The following HSF2BP variants were observed in gnomAD, a reference collection of about 807,000 sequenced individuals.
The protein encoded by HSF2BP is heat shock transcription factor 2 binding protein, also known as heat shock factor 2-binding protein.
A neutral mutation model predicts 35.0 loss-of-function variants in HSF2BP; 35 were observed. The ratio of observed to expected loss-of-function variants is 1.00; its 90% CI spans 0.76 to 1.32. The LOEUF (loss-of-function observed/expected upper bound fraction) is 1.32. HSF2BP is among the 40% of genes most tolerant of loss of function. HSF2BP has a pLI of 0.00. For synonymous variants in HSF2BP, 114 were observed against 117.4 expected, an observed-to-expected ratio of 0.97 and a Z score of 0.18; for missense variants, 326 against 321.7, an observed-to-expected ratio of 1.01 and a Z score of -0.10.
chr21:43,627,682 T>C (rs1299654386), intron 6 of HSF2BP, among the ~76,000 whole-genome samples: 1 of 152,244 alleles, frequency 6.6e-6, no homozygotes, highest in African/African-American at 2.4e-5. Flanking sequence ...CACCAGTCTC[T>C]GTAACAGTCA....
At chr21:43,571,840 G>A (rs148658657) in intron 8 of HSF2BP, among the ~76,000 whole-genome samples, 1 of 138,030 alleles carries the variant, frequency 7.2e-6, no homozygotes, top group African/African-American at 2.8e-5. Context: ...CATGGACCCT[G>A]ACCAGAGCCC....
intron 7 of HSF2BP, among the ~76,000 whole-genome samples, chr21:43,610,840 A>AGGTT (rs2082195420): frequency 6.6e-6 from 1 of 152,212 alleles, no homozygotes; most frequent in African/African-American, 2.4e-5. Flanking sequence ...ACTCTCAGAC[A>AGGTT]GGTTAGCAAA....
At chr21:43,648,473 C>T (rs982020069) in intron 3 of HSF2BP, among the ~76,000 whole-genome samples, 2 of 152,160 alleles carry the variant, frequency 1.3e-5, no homozygotes, top group Non-Finnish European at 2.9e-5. Context: ...GAGGCAATGG[C>T]GCTCCACTCG....
intron 8 of HSF2BP, among the ~76,000 whole-genome samples, chr21:43,585,059 C>A (rs1010667091): frequency 2.0e-5 from 3 of 151,728 alleles, no homozygotes; most frequent in African/African-American, 4.9e-5. Context: ...GTAATCCCAG[C>A]ACTTTCGGAA....
chr21:43,581,302 C>T (rs2081727282), intron 8 of HSF2BP, among the ~76,000 whole-genome samples: 1 of 151,496 alleles, frequency 6.6e-6, no homozygotes, highest in African/African-American at 2.4e-5. Context: ...AGAAGAATGG[C>T]GTGAACCTGG....
Position 43,589,401 on chromosome 21 carries a change from A to G in HSF2BP, c.796+2824T>C, listed in dbSNP as rs569457315. 1.7e-4 allele frequency among the ~76,000 whole-genome samples: 26 copies of G among 152,350 alleles called. No individual in the cohort carries two copies. The East Asian group carries it at 4.8e-3, about 28-fold the overall frequency. The stretch of plus-strand genomic sequence containing the variant: ...CATATACTTGTGTTCATGGATTGTA[A>G]GTCTCAATATTGCTAAAGTGTCAAT... On this transcript the variant is annotated intron_variant, in intron 8 of 8. Coordinates refer to ENST00000291560, the MANE Select transcript of HSF2BP (RefSeq NM_007031.2).
At chr21:43,626,527 T>C (rs762747527) in intron 6 of HSF2BP, among the ~76,000 whole-genome samples, 30 of 152,344 alleles carry the variant, frequency 2.0e-4, no homozygotes, top group African/African-American at 1.4e-4. Flanking sequence ...CTTCCTCAGA[T>C]AACCCTCCTT....
At chr21:43,625,142 C>T (rs568371656) in intron 6 of HSF2BP, among the ~76,000 whole-genome samples, 2 of 152,092 alleles carry the variant, frequency 1.3e-5, no homozygotes, top group African/African-American at 4.8e-5. Context: ...ATACAGAAAA[C>T]TGGTAACAGC....
In HSF2BP at chr21:43,648,082, A is replaced by C. The variant is rs188490382; in HGVS notation, c.188-3690T>G. 1.3e-4 allele frequency among the ~76,000 whole-genome samples: 20 copies of C among 152,184 alleles called. No homozygotes were observed. The East Asian group carries it at 3.7e-3, about 28-fold the overall frequency. ...CAGAGCGGTCACGGGTGATATTAAA[A>C]CACCACACACCTCTTCCGCCTCCAT... On this transcript the variant is annotated intron_variant, in intron 3 of 8. Transcript: ENST00000291560.
chr21:43,581,196 C>A (rs962763848), intron 8 of HSF2BP, among the ~76,000 whole-genome samples: 6 of 152,154 alleles, frequency 3.9e-5, no homozygotes, highest in African/African-American at 9.7e-5. Context: ...ACCATCCTGG[C>A]TAACACGGTG....
At chr21:43,594,152 A>G (rs1901486274) in intron 7 of HSF2BP, among the ~76,000 whole-genome samples, 1 of 152,208 alleles carries the variant, frequency 6.6e-6, no homozygotes, top group Non-Finnish European at 1.5e-5. Flanking sequence ...CCCAGCAAAA[A>G]TATTTTCAAC....
chr21:43,637,072 T>G (rs983001923), intron 4 of HSF2BP, among the ~76,000 whole-genome samples: 1 of 152,002 alleles, frequency 6.6e-6, no homozygotes, highest in Non-Finnish European at 1.5e-5. Flanking sequence ...GCAGATCACT[T>G]GGGGCCAGGA....
chr21:43,635,077 TC>T (rs1031942945), intron 4 of HSF2BP, among the ~76,000 whole-genome samples: 31 of 146,720 alleles, frequency 2.1e-4, no homozygotes, highest in African/African-American at 8.0e-4. Flanking sequence ...TATAATAATA[TC>T]AAAAAAAAAA....
chr21:43,656,617 T>A lies in HSF2BP; in HGVS notation c.157A>T (p.Ser53Cys), dbSNP rs760742267. Residue 53 changes from serine (S) to cysteine (C), a missense_variant, in exon 3 of 9, where the codon AGC becomes TGC. Physicochemically the swap from Ser to Cys is moderately radical, Grantham distance 112 (BLOSUM62 -1). Transcript: ENST00000291560. ...TCTACAATCTTTAATTTCTGGAAGCTCTCCAGCACCTCCCCATTTAGTATT... is the reference window on the plus strand; with the variant it reads ...TCTACAATCTTTAATTTCTGGAAGCACTCCAGCACCTCCCCATTTAGTATT... ...PRILNGEVLE[S>C]FQKLKIVEKN... The A allele has an allele frequency of 6.2e-7, 1 of 1,609,884 alleles. No homozygotes were observed. The highest frequency in any genetic ancestry group is 1.7e-5 in the Admixed American group (1 of 58,930).
chr21:43,648,090 C>T (rs996267485), intron 3 of HSF2BP, among the ~76,000 whole-genome samples: 12 of 152,134 alleles, frequency 7.9e-5, no homozygotes, highest in African/African-American at 2.9e-4. Flanking sequence ...AAACACCACA[C>T]ACCTCTTCCG....
rs534550379 is a variant in HSF2BP, at chr21:43,630,091, A to G, written c.574+231T>C. Among the ~76,000 whole-genome samples the G allele has an allele frequency of 2.9e-4, 44 of 152,382 alleles. 2 individuals carry two copies. The highest frequency in any genetic ancestry group is 1.0e-3 in the African/African-American group (42 of 41,586). On this transcript the variant is annotated intron_variant, in intron 6 of 8. Transcript: ENST00000291560. ...AAAAATTGTAACTTGCTGAAGGCTC[A>G]GATGATCATTAGCATTTTTAGCAAT...
chr21:43,612,232 T>C (rs1302109441), intron 7 of HSF2BP, among the ~76,000 whole-genome samples: 6 of 152,124 alleles, frequency 3.9e-5, no homozygotes, highest in Non-Finnish European at 8.8e-5. Context: ...AATCCAAAAT[T>C]ACTTGGCATA....
At chr21:43,587,665 CAAAA>C (rs11292342) in intron 8 of HSF2BP, among the ~76,000 whole-genome samples, 2 of 79,094 alleles carry the variant, frequency 2.5e-5, no homozygotes, top group Non-Finnish European at 2.5e-5. Flanking sequence ...AATTCTGTCT[CAAAA>C]AAAAAAAAAA....
chr21:43,615,197 G>A (rs751671086), intron 6 of HSF2BP, among the ~76,000 whole-genome samples: 7 of 152,172 alleles, frequency 4.6e-5, no homozygotes, highest in Non-Finnish European at 7.3e-5. Context: ...GCCAAATGAC[G>A]AGACCAAGGT....
Sources: gnomAD v4.1 joint callset for allele counts (sites outside exome capture counted in the v4.1 genomes callset) on GRCh38, gnomAD v4.1.1 for gene constraint, MANE v1.5 for transcripts, NCBI Gene and HGNC (gene_info 2026-07-23, HGNC 2026-07-21) for gene names.